NAA15: variants seen among roughly 807,000 people sequenced by gnomAD.
NAA15 encodes N-terminal acetyltransferase.
A neutral mutation model predicts 114.0 loss-of-function variants in NAA15; 34 were observed. That is an observed-to-expected ratio of 0.30 (90% CI 0.23 to 0.40). NAA15 has a LOEUF of 0.40. Ranked by LOEUF, NAA15 falls within the 10% of genes least tolerant of loss-of-function variation. The pLI is 1.00. For missense variants in NAA15, 658 were observed against 1,004.5 expected, an observed-to-expected ratio of 0.66 and a Z score of 4.66; for synonymous variants, 340 against 338.0, an observed-to-expected ratio of 1.01 and a Z score of -0.06.
chr4:139,334,136 C>T (rs1193234874), intron 1 of NAA15, 38 bp from the exon 2 acceptor site: 3 of 1,325,610 alleles, frequency 2.3e-6, no homozygotes, highest in Non-Finnish European at 3.2e-6. Context: ...TGTTTGTATT[C>T]CTTGCTAAAC....
intron 17 of NAA15, chr4:139,379,214 A>G (rs1209522137): frequency 6.1e-6 from 1 of 164,460 alleles, no homozygotes; most frequent in Non-Finnish European, 1.3e-5. Context: ...CTCCTTATTT[A>G]TCTGTATTGT....
chr4:139,372,881 T>A (rs571216515), intron 15 of NAA15, among the ~76,000 whole-genome samples: 2 of 152,224 alleles, frequency 1.3e-5, no homozygotes, highest in Admixed American at 1.3e-4. Flanking sequence ...TTTCTTGCTT[T>A]GTTTTGTTTT....
chr4:139,391,011 A>G lies in NAA15; in HGVS notation c.*2927A>G, dbSNP rs1749045160. On this transcript the variant is annotated 3_prime_UTR_variant, in exon 20 of 20. Transcript: ENST00000296543. ...GATTTCTAAGAATATTTCAGTTACC[A>G]TGTATAGTATTTGGGAAAAGCTGTA... The G allele has an allele frequency of 6.6e-6, 1 of 152,248 alleles. No individual in the cohort carries two copies. Among genetic ancestry groups the G allele is most frequent in the East Asian group, 1.9e-4 (1 of 5,204 alleles). The allele number at this position is 152,248 out of a possible 1,614,324, so 9.4% of individuals were successfully genotyped here.
At chr4:139,350,337 G>A (rs146056341) in intron 7 of NAA15, among the ~76,000 whole-genome samples, 12 of 152,214 alleles carry the variant, frequency 7.9e-5, no homozygotes, top group Admixed American at 3.9e-4. Context: ...GCAAGAATAA[G>A]CTCTGTGGTA....
Position 139,342,767 on chromosome 4 carries a change from AG to A in NAA15, c.403-57del. On this transcript the variant is annotated intron_variant, in intron 4 of 19. Coordinates refer to ENST00000296543, the MANE Select transcript of NAA15 (RefSeq NM_057175.5). ...CTGGCCTAATATGGAGATCTTTTAA[AG>A]GAGCACTTGCTGTTACTAAAAGCCT... is the stretch of plus-strand genomic sequence containing the variant. The A allele has an allele frequency of 1.5e-5, 23 of 1,535,452 alleles. No homozygotes were observed. In the South Asian group the frequency reaches 2.7e-4, roughly 18 times the overall value.
At chr4:139,304,411 G>A (rs1012753439) in intron 1 of NAA15, among the ~76,000 whole-genome samples, 4 of 152,154 alleles carry the variant, frequency 2.6e-5, no homozygotes, top group Non-Finnish European at 5.9e-5. Flanking sequence ...ACTTGTACAC[G>A]CGTGTGAGTG....
intron 1 of NAA15, 76 bp from the exon 2 acceptor site, chr4:139,334,098 T>A: frequency 2.4e-6 from 2 of 846,464 alleles, no homozygotes; most frequent in East Asian, 2.7e-5. Context: ...TTTAACAGAG[T>A]AGAGAAATTT....
At chr4:139,353,772 A>T (rs545509885) in intron 9 of NAA15, among the ~76,000 whole-genome samples, 1 of 152,330 alleles carries the variant, frequency 6.6e-6, no homozygotes, top group South Asian at 2.1e-4. Flanking sequence ...GTCTTTGTCC[A>T]ACTCTTCCTG....
At chr4:139,385,055 A>G (rs1188724316) in intron 18 of NAA15, 77 bp downstream of exon 18, 1 of 1,232,524 alleles carries the variant, frequency 8.1e-7, no homozygotes, top group Non-Finnish European at 1.1e-6. Flanking sequence ...TATAAGGTAC[A>G]TGTTTTTAGA....
intron 1 of NAA15, among the ~76,000 whole-genome samples, chr4:139,327,183 T>C (rs560259434): frequency 6.6e-6 from 1 of 152,252 alleles, no homozygotes; most frequent in Admixed American, 6.5e-5. Flanking sequence ...GCAATCCTCC[T>C]ACCTTGGCCT....
At chr4:139,351,028 AAT>A (rs1424915119) in intron 7 of NAA15, among the ~76,000 whole-genome samples, 161 bp from the exon 8 acceptor site, 2 of 152,218 alleles carry the variant, frequency 1.3e-5, no homozygotes, top group Non-Finnish European at 1.5e-5. Context: ...ATTGAAAAGA[AAT>A]AGTCTAAAAT....
At chr4:139,378,977 A>G in intron 17 of NAA15, 123 bp downstream of exon 17, 1 of 604,144 alleles carries the variant, frequency 1.7e-6, no homozygotes. Context: ...TAAATTAGCT[A>G]AGGGAAAAGC....
intron 10 of NAA15, among the ~76,000 whole-genome samples, chr4:139,356,172 T>C (rs1747942773): frequency 6.6e-6 from 1 of 152,222 alleles, no homozygotes; most frequent in South Asian, 2.1e-4. Flanking sequence ...TAAAATATAT[T>C]AAGAATATAA....
intron 15 of NAA15, among the ~76,000 whole-genome samples, chr4:139,372,064 C>T (rs548882523): frequency 2.6e-5 from 4 of 151,920 alleles, no homozygotes; most frequent in African/African-American, 7.3e-5. Context: ...TACAGGCGCC[C>T]GCCACCATGC....
intron 6 of NAA15, among the ~76,000 whole-genome samples, chr4:139,348,170 G>T (rs1317733096): frequency 6.6e-6 from 1 of 150,536 alleles, no homozygotes; most frequent in Non-Finnish European, 1.5e-5. Context: ...AAAGTCACTG[G>T]TGGCCGGGCA....
intron 1 of NAA15, among the ~76,000 whole-genome samples, chr4:139,311,727 G>C (rs963664119): frequency 6.6e-6 from 1 of 151,774 alleles, no homozygotes; most frequent in Non-Finnish European, 1.5e-5. Flanking sequence ...CTTTACAACC[G>C]ATTCTGACAC....
chr4:139,384,998 C>G lies in NAA15; in HGVS notation c.2302+20C>G. The G allele has an allele frequency of 6.8e-7, 1 of 1,479,720 alleles. No homozygotes were observed. Among genetic ancestry groups the G allele is most frequent in the South Asian group, 1.5e-5 (1 of 66,898 alleles). The allele number at this position is 1,479,720 out of a possible 1,614,324, so 91.7% of individuals were successfully genotyped here. ...TATCAGGTAATCACTTTATTTTATC[C>G]TTAGCCTTCTAAAACAACTTCAGTA... On this transcript the variant is annotated intron_variant, in intron 18 of 19. Coordinates refer to ENST00000296543, the MANE Select transcript of NAA15 (RefSeq NM_057175.5).
intron 16 of NAA15, among the ~76,000 whole-genome samples, chr4:139,376,930 A>T (rs894240527): frequency 6.6e-6 from 1 of 152,228 alleles, no homozygotes; most frequent in Admixed American, 6.5e-5. Flanking sequence ...GTATCTGTTA[A>T]GAAAACATAG....
At chr4:139,323,026 G>C (rs1746672528) in intron 1 of NAA15, among the ~76,000 whole-genome samples, 2 of 149,136 alleles carry the variant, frequency 1.3e-5, no homozygotes, top group Non-Finnish European at 3.0e-5. Context: ...GAGGATTCCT[G>C]TGGCAGATTT....
Sources: allele counts gnomAD v4.1 joint callset (sites outside exome capture counted in the v4.1 genomes callset), GRCh38; gene constraint gnomAD v4.1.1; transcripts MANE v1.5; gene names NCBI Gene and HGNC (gene_info 2026-07-23, HGNC 2026-07-21).